GOLM1: variants seen among roughly 807,000 people sequenced by gnomAD.
The protein encoded by GOLM1 is golgi membrane protein 1.
A neutral mutation model predicts 50.5 loss-of-function variants in GOLM1; 31 were observed. That is an observed-to-expected ratio of 0.61 (90% CI 0.46 to 0.83). The LOEUF (loss-of-function observed/expected upper bound fraction) is 0.83, where lower values mean the gene tolerates loss of function less well. Among genes scored for constraint, GOLM1 ranks in the 40% least tolerant of loss-of-function variants. The pLI is 0.00. For missense variants in GOLM1, 491 were observed against 501.3 expected (o/e 0.98, Z 0.20); for synonymous variants, 178 against 192.8 (o/e 0.92, Z 0.64).
chr9:86,055,912 C>CACTGT (rs1213118751), intron 3 of GOLM1, among the ~76,000 whole-genome samples: 5 of 152,148 alleles, frequency 3.3e-5, no homozygotes, highest in Admixed American at 3.3e-4. Context: ...CTGAAATTTC[C>CACTGT]ACCTTGCATC....
At chr9:86,065,305 C>A (rs1199560497) in intron 3 of GOLM1, among the ~76,000 whole-genome samples, 1 of 152,138 alleles carries the variant, frequency 6.6e-6, no homozygotes, top group African/African-American at 2.4e-5. Context: ...TGGGCACAGG[C>A]CAGGGCAGAA....
intron 1 of GOLM1, among the ~76,000 whole-genome samples, chr9:86,082,927 G>T (rs1834829976): frequency 6.6e-6 from 1 of 152,216 alleles, no homozygotes; most frequent in African/African-American, 2.4e-5. Context: ...TAAATGCTGT[G>T]TATTTCTTAG....
chr9:86,055,426 C>G (rs971999663), intron 3 of GOLM1, among the ~76,000 whole-genome samples: 13 of 152,162 alleles, frequency 8.5e-5, no homozygotes, highest in African/African-American at 3.1e-4. Flanking sequence ...ATCCCACAAC[C>G]CCACTTGTGG....
chr9:86,059,085 C>A (rs775402548), intron 3 of GOLM1, among the ~76,000 whole-genome samples: 9 of 152,108 alleles, frequency 5.9e-5, no homozygotes, highest in African/African-American at 1.7e-4. Context: ...GAACCCCCCC[C>A]CAATACACAG....
intron 4 of GOLM1, among the ~76,000 whole-genome samples, chr9:86,049,749 G>A (rs1165475102): frequency 1.3e-5 from 2 of 152,206 alleles, no homozygotes; most frequent in Non-Finnish European, 2.9e-5. Context: ...TTGCTTATCA[G>A]CTTAAGGAGA....
In GOLM1 at chr9:86,036,450, C is replaced by G. The variant is rs144951895; in HGVS notation, c.655G>C (p.Glu219Gln). ...ACGTTTCCCTTCCCTTGTGGCACCT[C>G]TGTGTGTGGCAGGCCTGCTGCCTGC... ...RLQAAGLPHT[E>Q]VPQGKGNVLG... Residue 219 changes from glutamate to glutamine, a missense_variant, in exon 7 of 10, where the codon GAG becomes CAG. By Grantham distance (29) the Glu-to-Gln change is conservative. Coordinates refer to ENST00000388712, the MANE Select transcript of GOLM1 (RefSeq NM_016548.4). 338 of 1,614,066 alleles carry G rather than the reference C, an allele frequency of 2.1e-4. No individual in the cohort carries two copies. The highest frequency in any genetic ancestry group is 2.7e-4 in the Admixed American group (16 of 60,004).
At chr9:86,046,440 A>G in intron 5 of GOLM1, 30 bp downstream of exon 5, 1 of 1,323,930 alleles carries the variant, frequency 7.6e-7, no homozygotes, top group Non-Finnish European at 1.1e-6. Flanking sequence ...TGCACCCTGC[A>G]CTGTGGCACG....
In GOLM1 at chr9:86,099,470, G is replaced by A. The variant is rs1326772151; in HGVS notation, c.-81C>T. 3 of 151,048 alleles carry A rather than the reference G, an allele frequency of 2.0e-5. No individual in the cohort carries two copies. The highest frequency in any genetic ancestry group is 7.3e-5 in the African/African-American group (3 of 41,262). The allele number at this position is 151,048 out of a possible 1,614,324, so 9.4% of individuals were successfully genotyped here. On this transcript the variant is annotated 5_prime_UTR_variant, in exon 1 of 10. Transcript: ENST00000388712. ...CGGGGCCCCGCTACGAGGCCGCCCGGGTCGCTCTCCCGCCGCCGCCGGCCT... is the reference window on the plus strand; with the variant it reads ...CGGGGCCCCGCTACGAGGCCGCCCGAGTCGCTCTCCCGCCGCCGCCGGCCT...
At chr9:86,033,964 T>A (rs1833059072) in intron 8 of GOLM1, among the ~76,000 whole-genome samples, 1 of 150,120 alleles carries the variant, frequency 6.7e-6, no homozygotes, top group Non-Finnish European at 1.5e-5. Context: ...GTAAACAAAA[T>A]CTTTTTTTTT....
At chr9:86,047,136 A>C (rs1833573537) in intron 4 of GOLM1, among the ~76,000 whole-genome samples, 1 of 143,654 alleles carries the variant, frequency 7.0e-6, no homozygotes, top group African/African-American at 2.7e-5. Context: ...CACTCTCATC[A>C]GGGAAAGAGC....
intron 5 of GOLM1, among the ~76,000 whole-genome samples, chr9:86,042,146 G>A (rs1451080024): frequency 6.6e-6 from 1 of 152,196 alleles, no homozygotes; most frequent in Non-Finnish European, 1.5e-5. Context: ...TTGAACTGGA[G>A]GACACTCGGT....
At chr9:86,035,668 A>C in intron 7 of GOLM1, 43 bp from the exon 8 acceptor site, 1 of 784,092 alleles carries the variant, frequency 1.3e-6, no homozygotes, top group Non-Finnish European at 1.9e-6. Context: ...CCAGCATTTG[A>C]TTTAAAAAAA....
chr9:86,039,217 TCA>T (rs1279597853), intron 6 of GOLM1, among the ~76,000 whole-genome samples: 1 of 152,316 alleles, frequency 6.6e-6, no homozygotes, highest in South Asian at 2.1e-4. Context: ...ATCAGGGATA[TCA>T]CAGTTATTAG....
intron 5 of GOLM1, among the ~76,000 whole-genome samples, chr9:86,043,423 T>C (rs1471413749): frequency 6.6e-6 from 1 of 152,180 alleles, no homozygotes; most frequent in Non-Finnish European, 1.5e-5. Context: ...CCAGACAGGA[T>C]GTTTTAAGGG....
At chr9:86,072,139 T>C (rs1308830007) in intron 3 of GOLM1, among the ~76,000 whole-genome samples, 2 of 152,124 alleles carry the variant, frequency 1.3e-5, no homozygotes. Flanking sequence ...TAGTAATAGT[T>C]CAGAAATATA....
chr9:86,093,825 A>G (rs1835263696), intron 1 of GOLM1, among the ~76,000 whole-genome samples: 1 of 152,336 alleles, frequency 6.6e-6, no homozygotes, highest in African/African-American at 2.4e-5. Flanking sequence ...CCTTATTTTC[A>G]TATAGGGCTT....
intron 3 of GOLM1, among the ~76,000 whole-genome samples, chr9:86,063,971 C>CA (rs1563961059): frequency 6.6e-6 from 1 of 152,224 alleles, no homozygotes; most frequent in East Asian, 1.9e-4. Context: ...CCATGTGGAA[C>CA]TTGTCCATGG....
In GOLM1 at chr9:86,026,947, C is replaced by CACA; in HGVS notation, c.*867_*869dup. The CACA allele has an allele frequency of 3.0e-6, 3 of 985,180 alleles. No individual in the cohort carries two copies. Among genetic ancestry groups the CACA allele is most frequent in the Non-Finnish European group, 3.6e-6 (3 of 829,772 alleles). The allele number at this position is 985,180 out of a possible 1,614,324, so 61.0% of individuals were successfully genotyped here. A position where few individuals can be genotyped will look rare whatever the true frequency, so the allele number is the denominator to read the frequency against. Reference sequence around the variant, plus strand: ...TCTTTTACTCCAGTAATAAAGTAGGCACAGATCTGTCCACAACAAACTTGC... The same window carrying CACA: ...TCTTTTACTCCAGTAATAAAGTAGGCACAACAGATCTGTCCACAACAAACTTGC... On this transcript the variant is annotated 3_prime_UTR_variant, in exon 10 of 10. Coordinates refer to ENST00000388712, the MANE Select transcript of GOLM1 (RefSeq NM_016548.4).
At chr9:86,083,616 G>A (rs939848669) in intron 1 of GOLM1, among the ~76,000 whole-genome samples, 5 of 152,218 alleles carry the variant, frequency 3.3e-5, no homozygotes, top group Admixed American at 2.0e-4. Context: ...TCGAATTCTC[G>A]GCCTCAAGTG....
Sources: gnomAD v4.1 joint callset for allele counts (sites outside exome capture counted in the v4.1 genomes callset) on GRCh38, gnomAD v4.1.1 for gene constraint, MANE v1.5 for transcripts, NCBI Gene and HGNC (gene_info 2026-07-23, HGNC 2026-07-21) for gene names.